Variants in PRKN observed in about 807,000 individuals in gnomAD.
The protein encoded by PRKN is parkin RBR E3 ubiquitin protein ligase, also known as E3 ubiquitin-protein ligase parkin.
PRKN carries 56 observed loss-of-function variants against 59.5 expected under a neutral mutation model. The observed-to-expected ratio is 0.94, with a 90% CI of 0.76 to 1.18. The LOEUF (loss-of-function observed/expected upper bound fraction) is 1.18, where lower values mean the gene tolerates loss of function less well. Among genes scored for constraint, PRKN ranks in the 50% most tolerant of loss-of-function variants. The pLI is 0.00. For missense variants in PRKN, 657 were observed against 596.4 expected (o/e 1.10, Z -1.06); for synonymous variants, 250 against 222.1 (o/e 1.13, Z -1.12).
chr6:161,842,754 T>G (rs1266242976), intron 6 of PRKN, among the ~76,000 whole-genome samples: 1 of 152,046 alleles, frequency 6.6e-6, no homozygotes, highest in East Asian at 2.0e-4. Context: ...TTCACTATGT[T>G]GGCCAGACTG....
At chr6:162,302,213 G>A (rs1041947947) in intron 2 of PRKN, among the ~76,000 whole-genome samples, 18 of 152,008 alleles carry the variant, frequency 1.2e-4, no homozygotes, top group African/African-American at 1.7e-4. Context: ...GAAAGAGCAC[G>A]ATAATCATCT....
intron 1 of PRKN, among the ~76,000 whole-genome samples, chr6:162,563,261 G>GAGAGTTAT (rs1554245160): frequency 6.6e-6 from 1 of 151,326 alleles, no homozygotes; most frequent in Non-Finnish European, 1.5e-5. Context: ...CTGAGATCGC[G>GAGAGTTAT]CCACTGCACT....
Position 161,442,736 on chromosome 6 carries a change from T to C in PRKN, c.1084-55859A>G, listed in dbSNP as rs1789297037. Among the ~76,000 whole-genome samples the C allele has an allele frequency of 6.6e-6, 1 of 152,234 alleles. No homozygotes were observed. Among genetic ancestry groups the C allele is most frequent in the South Asian group, 2.1e-4 (1 of 4,832 alleles). ...CACCCATGAATGCTTTTCAACGAAG[T>C]TGCTAGAATGCAGCCGTGGAGACGA... On this transcript the variant is annotated intron_variant, in intron 9 of 11. Coordinates refer to ENST00000366898, the MANE Select transcript of PRKN (RefSeq NM_004562.3). This position sits in a 1 kb window ranked among gnomAD's most constrained non-coding sequence, Gnocchi z 4.6.
chr6:162,212,044 A>G (rs1362077928), intron 3 of PRKN, among the ~76,000 whole-genome samples: 2 of 152,154 alleles, frequency 1.3e-5, no homozygotes, highest in Non-Finnish European at 2.9e-5. Context: ...CTGCACTGGA[A>G]TAACTCCAGC....
chr6:161,767,776 G>C (rs1281170959), intron 7 of PRKN, among the ~76,000 whole-genome samples: 1 of 151,882 alleles, frequency 6.6e-6, no homozygotes, highest in Non-Finnish European at 1.5e-5. Context: ...TGGGGGGCTG[G>C]GGGTGTGGGG....
At chr6:162,518,403 C>T (rs1044692431) in intron 1 of PRKN, among the ~76,000 whole-genome samples, 1 of 152,148 alleles carries the variant, frequency 6.6e-6, no homozygotes, top group Non-Finnish European at 1.5e-5. Flanking sequence ...ATCTCAACTG[C>T]TGCCCAGGTT....
At chr6:162,456,982 T>C (rs893145683) in intron 1 of PRKN, among the ~76,000 whole-genome samples, 2 of 152,136 alleles carry the variant, frequency 1.3e-5, no homozygotes, top group African/African-American at 4.8e-5. Context: ...ATGAAAAACA[T>C]GACACTACAT....
At position 161,386,332 on chromosome 6, in the gene PRKN, A is replaced by G. The variant is rs1786240649; in HGVS notation, c.1167+462T>C. Among the ~76,000 whole-genome samples, 1 of 152,238 alleles carries G rather than the reference A, an allele frequency of 6.6e-6. No homozygotes were observed. Among genetic ancestry groups the G allele is most frequent in the Non-Finnish European group, 1.5e-5 (1 of 68,038 alleles). ...CTTAATGAGGACTGAAACACCAGTTAGCATAGGGCATGATGCTGCTAAAGG... is the reference window on the plus strand; with the variant it reads ...CTTAATGAGGACTGAAACACCAGTTGGCATAGGGCATGATGCTGCTAAAGG... On this transcript the variant is annotated intron_variant, in intron 10 of 11. Transcript: ENST00000366898. This position sits in a 1 kb window ranked among gnomAD's most constrained non-coding sequence, Gnocchi z 4.3.
intron 7 of PRKN, among the ~76,000 whole-genome samples, chr6:161,754,713 A>C: frequency 6.6e-6 from 1 of 152,158 alleles, no homozygotes; most frequent in South Asian, 2.1e-4. Context: ...AAGATGACAA[A>C]TATTGTGTAA....
At chr6:162,599,188 G>C (rs1296710313) in intron 1 of PRKN, among the ~76,000 whole-genome samples, 2 of 152,074 alleles carry the variant, frequency 1.3e-5, no homozygotes, top group Middle Eastern at 3.2e-3. Flanking sequence ...AAATGTTGAA[G>C]TCATTTATAA....
Position 161,428,117 on chromosome 6 carries a change from C to T in PRKN, c.1084-41240G>A. Among the ~76,000 whole-genome samples, 2 of 152,188 alleles carry T rather than the reference C, an allele frequency of 1.3e-5. No individual in the cohort carries two copies. The highest frequency in any genetic ancestry group is 3.9e-4 in the East Asian group (2 of 5,190). On this transcript the variant is annotated intron_variant, in intron 9 of 11. Coordinates refer to ENST00000366898, the MANE Select transcript of PRKN (RefSeq NM_004562.3). The surrounding 1 kb of genome is among the most constrained non-coding windows in gnomAD (Gnocchi z 4.0). ...ATGAGTGATGCTCTTCCACCTGCATCTTCTGGCACTTGCACTGTGGGGGCC... is the reference window on the plus strand; with the variant it reads ...ATGAGTGATGCTCTTCCACCTGCATTTTCTGGCACTTGCACTGTGGGGGCC...
chr6:161,350,961 TA>T (rs1784519882), intron 11 of PRKN, among the ~76,000 whole-genome samples: 1 of 60,510 alleles, frequency 1.7e-5, no homozygotes, highest in African/African-American at 7.4e-5. Flanking sequence ...TATTTATATT[TA>T]AAATATATAT....
intron 2 of PRKN, among the ~76,000 whole-genome samples, chr6:162,379,868 A>C (rs1457392005): frequency 6.6e-6 from 1 of 152,178 alleles, no homozygotes; most frequent in Non-Finnish European, 1.5e-5. Flanking sequence ...TATTTCAGAG[A>C]AGACTTCTGA....
chr6:162,422,699 C>A (rs1789031468), intron 2 of PRKN, among the ~76,000 whole-genome samples: 1 of 152,070 alleles, frequency 6.6e-6, no homozygotes, highest in Admixed American at 6.5e-5. Context: ...AATAATAGCA[C>A]TCTGGGAGGC....
intron 7 of PRKN, among the ~76,000 whole-genome samples, chr6:161,631,772 A>AC: frequency 6.6e-6 from 1 of 150,470 alleles, no homozygotes; most frequent in African/African-American, 2.4e-5. Context: ...CACCCAGACA[A>AC]ACACACACAC....
At chr6:161,496,821 C>T (rs1016857192) in intron 9 of PRKN, among the ~76,000 whole-genome samples, 1 of 152,152 alleles carries the variant, frequency 6.6e-6, no homozygotes, top group Admixed American at 6.5e-5. Flanking sequence ...ATGATGGGAG[C>T]AGAGACTGGA....
chr6:162,105,908 T>C (rs1474015900), intron 4 of PRKN, among the ~76,000 whole-genome samples: 1 of 152,234 alleles, frequency 6.6e-6, no homozygotes, highest in African/African-American at 2.4e-5. Context: ...TAGTACAGGC[T>C]GAGAAACATT....
At chr6:162,390,351 C>T (rs1276945438) in intron 2 of PRKN, among the ~76,000 whole-genome samples, 1 of 131,238 alleles carries the variant, frequency 7.6e-6, no homozygotes, top group African/African-American at 2.8e-5. Flanking sequence ...GAGGGGAATG[C>T]CACATGGTGA....
intron 4 of PRKN, among the ~76,000 whole-genome samples, chr6:162,175,983 A>C (rs1306749862): frequency 2.0e-5 from 3 of 152,202 alleles, no homozygotes. Flanking sequence ...TTTTAATTTT[A>C]AAGGTAGATT....
Sources: allele counts gnomAD v4.1 joint callset (sites outside exome capture counted in the v4.1 genomes callset), GRCh38; gene constraint gnomAD v4.1.1; non-coding constraint Gnocchi (gnomAD v3.1); transcripts MANE v1.5; gene names NCBI Gene and HGNC (gene_info 2026-07-23, HGNC 2026-07-21).